PLEKHA5: variants seen among roughly 807,000 people sequenced by gnomAD.
The protein encoded by PLEKHA5 is pleckstrin homology domain-containing family A member 5.
In PLEKHA5, 55 loss-of-function variants were observed where a neutral mutation model predicts 181.9. The ratio of observed to expected loss-of-function variants is 0.30; its 90% CI spans 0.24 to 0.38. The LOEUF (loss-of-function observed/expected upper bound fraction) is 0.38, where lower values mean the gene tolerates loss of function less well. PLEKHA5 is among the 10% of genes least tolerant of loss of function. PLEKHA5 has a pLI of 1.00. For missense variants in PLEKHA5, 1,432 were observed against 1,549.5 expected, an observed-to-expected ratio of 0.92 and a Z score of 1.27; for synonymous variants, 535 against 529.4, an observed-to-expected ratio of 1.01 and a Z score of -0.15.
chr12:19,302,636 G>A (rs7967679), intron 15 of PLEKHA5, among the ~76,000 whole-genome samples: 138,742 of 152,038 alleles, frequency 0.91, 64,192 homozygotes, highest in Non-Finnish European at 1. Context: ...ACCTCAAGTG[G>A]TCCTCCCACC....
rs182009745 is a variant in PLEKHA5, at chr12:19,309,699, C to G, written c.2038-5115C>G. Reference sequence around the variant, plus strand: ...GGTGGAGGTTGCAGTGAGCCTAGATCGTGCCACTGCACTCCAGCCTGGGCG... The same window carrying G: ...GGTGGAGGTTGCAGTGAGCCTAGATGGTGCCACTGCACTCCAGCCTGGGCG... On this transcript the variant is annotated intron_variant, in intron 15 of 31. Transcript: ENST00000429027. 1.4e-3 allele frequency among the ~76,000 whole-genome samples: 214 copies of G among 151,806 alleles called. 3 individuals are homozygous for G. In the East Asian group the frequency reaches 0.026, roughly 18 times the overall value.
chr12:19,286,074 C>A (rs2077155150), intron 12 of PLEKHA5, among the ~76,000 whole-genome samples: 1 of 152,090 alleles, frequency 6.6e-6, no homozygotes, highest in African/African-American at 2.4e-5. Flanking sequence ...AGTTTTCAAG[C>A]AAAAAATAGA....
chr12:19,155,218 AAT>A (rs1351218393), intron 3 of PLEKHA5, among the ~76,000 whole-genome samples: 1 of 152,174 alleles, frequency 6.6e-6, no homozygotes, highest in Non-Finnish European at 1.5e-5. Flanking sequence ...ATGTAAAATA[AAT>A]ATGTTTTTAT....
intron 3 of PLEKHA5, among the ~76,000 whole-genome samples, chr12:19,246,474 T>C (rs999442834): frequency 6.6e-6 from 1 of 151,516 alleles, no homozygotes; most frequent in East Asian, 2.0e-4. Context: ...AATACAAAAA[T>C]TAGCCAGGCA....
chr12:19,166,526 A>C (rs540011328), intron 3 of PLEKHA5, among the ~76,000 whole-genome samples: 2 of 152,078 alleles, frequency 1.3e-5, no homozygotes, highest in African/African-American at 4.8e-5. Flanking sequence ...CACATCCCAA[A>C]TTTGTCCTTT....
Position 19,265,864 on chromosome 12 carries a change from G to A in PLEKHA5, c.711+14G>A. ...TATGCTTTTAAGGTAAGGAAATAAT[G>A]CAGTTTTTAATTCTGTGTTCAAAAC... On this transcript the variant is annotated intron_variant, in intron 8 of 31. Coordinates refer to ENST00000429027, the MANE Select transcript of PLEKHA5 (RefSeq NM_001256470.2). 6.9e-7 allele frequency: 1 copy of A among 1,443,220 alleles called. No homozygotes were observed. The highest frequency in any genetic ancestry group is 9.7e-7 in the Non-Finnish European group (1 of 1,032,060). 89.4% of individuals were successfully genotyped at this position (1,443,220 alleles called of 1,614,324 possible). A position where few individuals can be genotyped will look rare whatever the true frequency, so the allele number is the denominator to read the frequency against.
chr12:19,307,266 AG>A (rs761072376), intron 15 of PLEKHA5: 9 of 455,384 alleles, frequency 2.0e-5, no homozygotes, highest in Non-Finnish European at 3.2e-5. Context: ...TGAGGTCAGG[AG>A]TTCGAGACCA....
intron 29 of PLEKHA5, among the ~76,000 whole-genome samples, chr12:19,365,342 G>A (rs2153275001): frequency 1.3e-5 from 2 of 151,322 alleles, no homozygotes; most frequent in African/African-American, 4.9e-5. Context: ...CTCCAGCCTG[G>A]GCGACAGAGT....
intron 3 of PLEKHA5, among the ~76,000 whole-genome samples, chr12:19,250,334 C>T (rs563394747): frequency 2.6e-4 from 40 of 152,286 alleles, no homozygotes; most frequent in African/African-American, 2.4e-4. Context: ...CCTGTAATCC[C>T]GGCACTTTGG....
At chr12:19,184,680 G>A (rs1311695267) in intron 3 of PLEKHA5, among the ~76,000 whole-genome samples, 1 of 152,168 alleles carries the variant, frequency 6.6e-6, no homozygotes, top group Non-Finnish European at 1.5e-5. Flanking sequence ...AAGAGAATAA[G>A]TGATGTTTGT....
In PLEKHA5 at chr12:19,283,552, C is replaced by G; in HGVS notation, c.1586C>G (p.Thr529Ser). 1 of 1,614,172 alleles carries G rather than the reference C, an allele frequency of 6.2e-7. No individual in the cohort carries two copies. Among genetic ancestry groups the G allele is most frequent in the Non-Finnish European group, 8.5e-7 (1 of 1,180,020 alleles). Reference protein sequence around the residue: ...NKQSTLPRHSTLSSPKTMVNI... With the variant: ...NKQSTLPRHSSLSSPKTMVNI... ...CAGAGCACCCTCCCTCGACACAGTA[C>G]TTTGAGTAGTCCCAAAACCATGGTA... The change falls in exon 12 of 32, where the codon ACT becomes AGT. Residue 529 changes from threonine (T) to serine (S), a missense_variant. Physicochemically the swap from Thr to Ser is moderately conservative, Grantham distance 58. This residue lies in a region of PLEKHA5 where 1,143 missense variants were observed against 1,168.4 expected (regional missense o/e 0.98). Transcript: ENST00000429027.
chr12:19,362,931 T>C (rs2095302588), intron 29 of PLEKHA5, among the ~76,000 whole-genome samples: 1 of 144,720 alleles, frequency 6.9e-6, no homozygotes, highest in Non-Finnish European at 1.5e-5. Context: ...CCCATGGATC[T>C]GGAGGGCCAA....
At chr12:19,212,514 C>T (rs1326106858) in intron 3 of PLEKHA5, among the ~76,000 whole-genome samples, 1 of 152,060 alleles carries the variant, frequency 6.6e-6, no homozygotes, top group Non-Finnish European at 1.5e-5. Flanking sequence ...TATCTCATCT[C>T]TGCTTAAAAT....
At chr12:19,368,399 T>TC (rs1208830637) in intron 30 of PLEKHA5, among the ~76,000 whole-genome samples, 1 of 151,420 alleles carries the variant, frequency 6.6e-6, no homozygotes, top group East Asian at 1.9e-4. Context: ...GAGGCTGAGG[T>TC]AGGAGGATCA....
chr12:19,144,362 C>T (rs1247959435), intron 3 of PLEKHA5, among the ~76,000 whole-genome samples: 1 of 152,326 alleles, frequency 6.6e-6, no homozygotes, highest in Non-Finnish European at 1.5e-5. Flanking sequence ...CTGGAACAAA[C>T]ACCAGCGTCT....
chr12:19,202,053 AG>A, intron 3 of PLEKHA5: 1 of 926,014 alleles, frequency 1.1e-6, no homozygotes, highest in South Asian at 5.0e-5. Flanking sequence ...TTCCCTTCAC[AG>A]TTACTCCCCA....
intron 26 of PLEKHA5, 141 bp downstream of exon 26, chr12:19,354,143 CTTTTTTTTTTT>C (rs750923063): frequency 9.4e-5 from 7 of 74,862 alleles, no homozygotes; most frequent in Non-Finnish European, 1.1e-4. Context: ...ATTCTTTATT[CTTTTTTTTTTT>C]TTTTTTTTTT....
intron 20 of PLEKHA5, among the ~76,000 whole-genome samples, chr12:19,327,374 GGCCA>G (rs2092311568): frequency 6.7e-6 from 1 of 149,276 alleles, no homozygotes; most frequent in Admixed American, 6.7e-5. Flanking sequence ...TATGCTTATT[GGCCA>G]CTTGTATGTC....
intron 3 of PLEKHA5, among the ~76,000 whole-genome samples, chr12:19,164,071 C>G (rs989181825): frequency 5.3e-5 from 8 of 152,052 alleles, no homozygotes; most frequent in African/African-American, 1.9e-4. Flanking sequence ...GGGTAACACT[C>G]TTTTCACTTT....
Sources: allele counts gnomAD v4.1 joint callset (sites outside exome capture counted in the v4.1 genomes callset), GRCh38; gene constraint gnomAD v4.1.1; regional missense constraint gnomAD v4.1.1; transcripts MANE v1.5; gene names NCBI Gene and HGNC (gene_info 2026-07-23, HGNC 2026-07-21).